The following CTNNA2 variants were observed in gnomAD, a reference collection of about 807,000 sequenced individuals.
CTNNA2 encodes the protein catenin alpha-2.
Under a neutral mutation model 101.0 loss-of-function variants are expected in CTNNA2, and 42 were observed. The ratio of observed to expected loss-of-function variants is 0.42; its 90% confidence interval spans 0.32 to 0.54. The LOEUF is 0.54. CTNNA2 is among the 20% of genes least tolerant of loss of function. CTNNA2 has a pLI of 0.14. For missense variants in CTNNA2, 871 were observed against 1,223.1 expected (o/e 0.71, Z 4.29); for synonymous variants, 450 against 456.4 (o/e 0.99, Z 0.18).
In CTNNA2 at chr2:79,608,766, A is replaced by G. The variant is rs374677597; in HGVS notation, c.-5-42786A>G. ...AGGGAACTTCTTCAACCAATAAAGA[A>G]CATCTACATAAATCCTTCAGCAAAT... On this transcript the variant is annotated intron_variant, in intron 1 of 18. Coordinates refer to ENST00000402739, the MANE Select transcript of CTNNA2 (RefSeq NM_001282597.3). Among the ~76,000 whole-genome samples, 9 of 152,206 alleles carry G rather than the reference A, an allele frequency of 5.9e-5. No homozygotes were observed. In the East Asian group the frequency reaches 1.3e-3, roughly 23 times the overall value.
chr2:79,670,953 A>T (rs1380422865), intron 2 of CTNNA2, among the ~76,000 whole-genome samples: 1 of 152,244 alleles, frequency 6.6e-6, no homozygotes, highest in Admixed American at 6.5e-5. Flanking sequence ...GATATTTTAA[A>T]AATCATCGCA....
chr2:79,521,091 A>C (rs1291365018), intron 1 of CTNNA2, among the ~76,000 whole-genome samples: 1 of 117,342 alleles, frequency 8.5e-6, no homozygotes, highest in African/African-American at 3.4e-5. Flanking sequence ...CCTTTGAGAT[A>C]GAAAACAAAG....
chr2:79,341,240 C>T (rs565100606), intron 3 of CTNNA2, among the ~76,000 whole-genome samples: 1 of 152,030 alleles, frequency 6.6e-6, no homozygotes, highest in African/African-American at 2.4e-5. Context: ...AAGATTCAGA[C>T]CTTAGCGTAC....
intron 2 of CTNNA2, among the ~76,000 whole-genome samples, chr2:79,268,668 A>G (rs1675020171): frequency 6.6e-6 from 1 of 152,108 alleles, no homozygotes; most frequent in Non-Finnish European, 1.5e-5. Flanking sequence ...TATCTCCAGC[A>G]GCTAGTGTCA....
chr2:79,625,884 A>G (rs572956176), intron 1 of CTNNA2, among the ~76,000 whole-genome samples: 9 of 152,170 alleles, frequency 5.9e-5, no homozygotes, highest in Middle Eastern at 3.2e-3. Context: ...TGCCCTTTGT[A>G]AATAGTTGAT....
chr2:80,160,086 C>T (rs546926753), intron 7 of CTNNA2, among the ~76,000 whole-genome samples: 1 of 152,306 alleles, frequency 6.6e-6, no homozygotes, highest in Non-Finnish European at 1.5e-5. Context: ...AAAGCTACCT[C>T]TTCCCCATTT....
intron 7 of CTNNA2, among the ~76,000 whole-genome samples, chr2:80,045,612 C>T (rs1352423950): frequency 2.0e-5 from 3 of 152,300 alleles, no homozygotes; most frequent in East Asian, 1.9e-4. Flanking sequence ...CCTACTCCCA[C>T]ATCATAAATT....
At chr2:79,778,270 G>A (rs1300804736) in intron 3 of CTNNA2, among the ~76,000 whole-genome samples, 3 of 150,102 alleles carry the variant, frequency 2.0e-5, no homozygotes, top group Non-Finnish European at 4.4e-5. Context: ...GGCTTGAGAC[G>A]CCAGGTGAAG....
intron 2 of CTNNA2, among the ~76,000 whole-genome samples, chr2:79,238,535 C>T (rs546415476): frequency 6.6e-6 from 1 of 152,204 alleles, no homozygotes; most frequent in East Asian, 1.9e-4. Context: ...TTGCCATAAG[C>T]ATTCAATTTG....
intron 6 of CTNNA2, among the ~76,000 whole-genome samples, chr2:79,896,379 C>T (rs1035801402): frequency 6.6e-6 from 1 of 152,126 alleles, no homozygotes. Context: ...TGAACCACAT[C>T]AATTGCTACT....
At chr2:79,997,190 C>T (rs1692610414) in intron 7 of CTNNA2, among the ~76,000 whole-genome samples, 1 of 152,110 alleles carries the variant, frequency 6.6e-6, no homozygotes, top group South Asian at 2.1e-4. Flanking sequence ...GCCTCCTAAA[C>T]AGAAAGCTGA....
chr2:79,785,936 T>C (rs1053547902), intron 3 of CTNNA2, among the ~76,000 whole-genome samples: 1 of 152,146 alleles, frequency 6.6e-6, no homozygotes, highest in Non-Finnish European at 1.5e-5. Context: ...AATTGCTATA[T>C]ACAAAGGCTA....
chr2:79,673,598 G>T (rs1682989607), intron 2 of CTNNA2, among the ~76,000 whole-genome samples: 2 of 152,060 alleles, frequency 1.3e-5, no homozygotes, highest in African/African-American at 4.8e-5. Flanking sequence ...ACCTCTTTCA[G>T]CATTTTTTGG....
chr2:79,568,010 C>A (rs147710810), intron 1 of CTNNA2, among the ~76,000 whole-genome samples: 1 of 152,198 alleles, frequency 6.6e-6, no homozygotes, highest in Non-Finnish European at 1.5e-5. Flanking sequence ...GACACCGAAT[C>A]TTTGTTTAAT....
chr2:79,552,187 C>G (rs1302382299), intron 1 of CTNNA2, among the ~76,000 whole-genome samples: 1 of 152,176 alleles, frequency 6.6e-6, no homozygotes, highest in Non-Finnish European at 1.5e-5. Flanking sequence ...GCTAAATACT[C>G]CCATTCCAAA....
chr2:80,140,458 T>G (rs930787763), intron 7 of CTNNA2, among the ~76,000 whole-genome samples: 1 of 152,100 alleles, frequency 6.6e-6, no homozygotes. Context: ...GGATCCAACA[T>G]GGTCTTAAGT....
intron 9 of CTNNA2, among the ~76,000 whole-genome samples, chr2:80,464,443 T>C (rs1018873603): frequency 7.9e-5 from 12 of 152,292 alleles, no homozygotes; most frequent in Admixed American, 2.0e-4. Flanking sequence ...CCTGCCCTGA[T>C]GGTTGAATCA....
intron 1 of CTNNA2, among the ~76,000 whole-genome samples, chr2:79,617,844 T>G (rs1278601782): frequency 6.6e-6 from 1 of 152,200 alleles, no homozygotes; most frequent in African/African-American, 2.4e-5. Flanking sequence ...TTCAGGGTGT[T>G]GGTGATTTTT....
chr2:80,372,076 C>A (rs1290450188), intron 7 of CTNNA2, among the ~76,000 whole-genome samples: 1 of 152,012 alleles, frequency 6.6e-6, no homozygotes, highest in Admixed American at 6.6e-5. Context: ...TATGCAAGGA[C>A]AATATAAGAA....
Sources: allele counts gnomAD v4.1 joint callset (sites outside exome capture counted in the v4.1 genomes callset), GRCh38; gene constraint gnomAD v4.1.1; transcripts MANE v1.5; gene names NCBI Gene and HGNC (gene_info 2026-07-23, HGNC 2026-07-21).